DLG4: variants seen among roughly 807,000 people sequenced by gnomAD.
The protein encoded by DLG4 is discs large MAGUK scaffold protein 4, also known as disks large homolog 4.
Under a neutral mutation model 93.8 loss-of-function variants are expected in DLG4, and 7 were observed. The ratio of observed to expected loss-of-function variants is 0.07; its 90% confidence interval spans 0.04 to 0.14. The LOEUF (loss-of-function observed/expected upper bound fraction) is 0.14. Ranked by LOEUF, DLG4 falls within the 10% of genes least tolerant of loss-of-function variation. DLG4 has a pLI of 1.00. For synonymous variants in DLG4, 341 were observed against 387.6 expected, an observed-to-expected ratio of 0.88 and a Z score of 1.41; for missense variants, 545 against 992.9, an observed-to-expected ratio of 0.55 and a Z score of 6.06.
rs1875673 is a variant in DLG4, at chr17:7,205,187, T to A, written c.97-935A>T. 1.3e-3 allele frequency: 1,249 copies of A among 984,858 alleles called. 17 individuals carry two copies. The African/African-American group carries it at 0.019, about 15-fold the overall frequency. 61.0% of individuals were successfully genotyped at this position (984,858 alleles called of 1,614,324 possible). Reference sequence around the variant, plus strand: ...ACGCAGTGCAAAGGACGTCAGGAACTGGGAGTGGTGAAAGACATCCGGGTC... The same window carrying A: ...ACGCAGTGCAAAGGACGTCAGGAACAGGGAGTGGTGAAAGACATCCGGGTC... On this transcript the variant is annotated intron_variant, in intron 2 of 19. Transcript: ENST00000399506.
rs1460615654 is a variant in DLG4 at position 7,202,636 on chromosome 17, T to C, written c.787+267A>G. 1.3e-5 allele frequency: 7 copies of C among 528,462 alleles called. No individual in the cohort carries two copies. The East Asian group carries it at 2.0e-4, about 15-fold the overall frequency. 32.7% of individuals were successfully genotyped at this position (528,462 alleles called of 1,614,324 possible). On this transcript the variant is annotated intron_variant, in intron 8 of 19. Coordinates refer to ENST00000399506, the MANE Select transcript of DLG4 (RefSeq NM_001321075.3). ...CCTGTACTCTGGAAGAGCAGAAGAA[T>C]TATCTATTCCTTGAGAATTTCACAA...
rs1036179513 is a variant in DLG4, at chr17:7,203,927, G to A, written c.210+81C>T. On this transcript the variant is annotated intron_variant, in intron 4 of 19. Transcript: ENST00000399506. This position sits in a 1 kb window ranked among gnomAD's most constrained non-coding sequence, Gnocchi z 7.2. ...CAGAGGAGGAAGGCACAGGGTGAGGGGCTAGCCACCCAGACCACATGGCAG... is the reference window on the plus strand; with the variant it reads ...CAGAGGAGGAAGGCACAGGGTGAGGAGCTAGCCACCCAGACCACATGGCAG... 1 of 1,587,148 alleles carries A rather than the reference G, an allele frequency of 6.3e-7. No homozygotes were observed. The highest frequency in any genetic ancestry group is 1.3e-5 in the African/African-American group (1 of 74,302).
Position 7,187,407 on chromosome 17 carries a change from G to A in DLG4, c.*3301C>T, listed in dbSNP as rs947493084. 2.0e-5 allele frequency among the ~76,000 whole-genome samples: 3 copies of A among 151,258 alleles called. No individual in the cohort carries two copies. Among genetic ancestry groups the A allele is most frequent in the African/African-American group, 4.9e-5 (2 of 41,174 alleles). On this transcript the variant is annotated 3_prime_UTR_variant, in exon 20 of 20. Coordinates refer to ENST00000399506, the MANE Select transcript of DLG4 (RefSeq NM_001321075.3). ...ACTAAATACAAAAAATTAGCTGGGC[G>A]TGGTGGCATGCACCTGTAATCCCAG...
At position 7,196,940 on chromosome 17, in the gene DLG4, G is replaced by T; in HGVS notation, c.900C>A (p.Asp300Glu). 1 of 1,613,832 alleles carries T rather than the reference G, an allele frequency of 6.2e-7. No homozygotes were observed. Among genetic ancestry groups the T allele is most frequent in the East Asian group, 2.2e-5 (1 of 44,870 alleles). Reference protein sequence around the residue: ...SPRRYSPVAKDLLGEEDIPRE... With the variant: ...SPRRYSPVAKELLGEEDIPRE... ...GGGGAATGTCTTCCTCCCCGAGCAG[G>T]TCCTTGGCCACTGGAGAGTAGCGCC... is the stretch of plus-strand genomic sequence containing the variant. The change falls in exon 9 of 20, where the codon GAC becomes GAA. Residue 300 changes from aspartate (D) to glutamate (E), a missense_variant. By Grantham distance (45) the Asp-to-Glu change is conservative. This residue lies in a region of DLG4 where 428 missense variants were observed against 741.4 expected (regional missense o/e 0.58). Transcript: ENST00000399506. This position sits in a 1 kb window ranked among gnomAD's most constrained non-coding sequence, Gnocchi z 8.3.
chr17:7,199,611 T>C (rs2070006574), intron 8 of DLG4, among the ~76,000 whole-genome samples: 1 of 152,166 alleles, frequency 6.6e-6, no homozygotes, highest in South Asian at 2.1e-4. Flanking sequence ...GCTGAGACCC[T>C]ATTAGTCCTG....
In DLG4 at chr17:7,195,062, T is replaced by C. The variant is rs1597448207; in HGVS notation, c.1302-567A>G. Among the ~76,000 whole-genome samples the C allele has an allele frequency of 6.6e-6, 1 of 151,002 alleles. No individual in the cohort carries two copies. Among genetic ancestry groups the C allele is most frequent in the Non-Finnish European group, 1.5e-5 (1 of 67,756 alleles). ...AAAGAAAAAGAAAAACAGAAAGCAG[T>C]GTGCAGTACACACGCACATCATAAA... On this transcript the variant is annotated intron_variant, in intron 11 of 19. Coordinates refer to ENST00000399506, the MANE Select transcript of DLG4 (RefSeq NM_001321075.3). The surrounding 1 kb of genome is among the most constrained non-coding windows in gnomAD (Gnocchi z 4.3).
chr17:7,210,046 CA>C (rs976444767), intron 1 of DLG4, among the ~76,000 whole-genome samples: 2 of 151,960 alleles, frequency 1.3e-5, no homozygotes, highest in Non-Finnish European at 2.9e-5. Flanking sequence ...ATCTCCAAAA[CA>C]AAAAAGAGAG....
In DLG4 at chr17:7,189,168, A is replaced by G. The variant is rs2069374209; in HGVS notation, c.*1540T>C. Among the ~76,000 whole-genome samples the G allele has an allele frequency of 6.6e-6, 1 of 151,014 alleles. No individual in the cohort carries two copies. Among genetic ancestry groups the G allele is most frequent in the Non-Finnish European group, 1.5e-5 (1 of 67,846 alleles). On this transcript the variant is annotated 3_prime_UTR_variant, in exon 20 of 20. Transcript: ENST00000399506. ...ATAAAGAAACCTAGCGTATATTCACACAGCAGTTCTTATCAGCAGAACTCT... is the reference window on the plus strand; with the variant it reads ...ATAAAGAAACCTAGCGTATATTCACGCAGCAGTTCTTATCAGCAGAACTCT...
chr17:7,197,407 T>C (rs529832001), intron 8 of DLG4, among the ~76,000 whole-genome samples: 1 of 152,250 alleles, frequency 6.6e-6, no homozygotes, highest in African/African-American at 2.4e-5. Flanking sequence ...TCCCTCTTTT[T>C]TCCCCCCACC....
intron 1 of DLG4, among the ~76,000 whole-genome samples, chr17:7,212,005 C>A (rs1834414468): frequency 6.6e-6 from 1 of 152,058 alleles, no homozygotes; most frequent in Admixed American, 6.5e-5. Flanking sequence ...CTTAAATTTA[C>A]CAGTTTATCT....
chr17:7,193,979 T>C lies in DLG4; in HGVS notation c.1500A>G (p.Ser500=). ...SKRRVERREW[S]RLKAKDWGSS... is the part of the protein sequence containing the mutation. ...CTCCACCTACCTTGGCCTTTAACCT[T>C]GACCACTCTCGTCGCTCAACCCTGT... The change falls in exon 13 of 20, where the codon TCA becomes TCG. Residue 500 remains serine (S), a synonymous_variant. Coordinates refer to ENST00000399506, the MANE Select transcript of DLG4 (RefSeq NM_001321075.3). The surrounding 1 kb of genome is among the most constrained non-coding windows in gnomAD (Gnocchi z 6.7). 4.3e-6 allele frequency: 7 copies of C among 1,613,788 alleles called. No homozygotes were observed. The highest frequency in any genetic ancestry group is 5.9e-6 in the Non-Finnish European group (7 of 1,179,828).
chr17:7,192,038 G>T, intron 17 of DLG4, 36 bp from the exon 18 acceptor site: 1 of 1,248,032 alleles, frequency 8.0e-7, no homozygotes, highest in East Asian at 2.7e-5. Context: ...GGGGGCCAGC[G>T]GGTGGCGAGA....
rs979183540 is a variant in DLG4, at chr17:7,188,917, G to T, written c.*1791C>A. ...ACCTGAGGTCAGGAGTTCGAGACCA[G>T]CCTGGCCAACAAAGCAAAACCCCAT... On this transcript the variant is annotated 3_prime_UTR_variant, in exon 20 of 20. Transcript: ENST00000399506. 6.6e-6 allele frequency among the ~76,000 whole-genome samples: 1 copy of T among 152,070 alleles called. No homozygotes were observed. The highest frequency in any genetic ancestry group is 1.5e-5 in the Non-Finnish European group (1 of 68,014).
rs1432383693 is a variant in DLG4 at position 7,204,002 on chromosome 17, G to C, written c.210+6C>G. ...ACGGGGACTGCCGATGGAGGAGCCT[G>C]CTCACCCTTTCCAATGTGATTTCCT... On this transcript the variant is annotated splice_donor_region_variant and intron_variant, in intron 4 of 19. Transcript: ENST00000399506. The C allele has an allele frequency of 6.2e-7, 1 of 1,610,878 alleles. No individual in the cohort carries two copies. Among genetic ancestry groups the C allele is most frequent in the African/African-American group, 1.3e-5 (1 of 74,828 alleles).
intron 8 of DLG4, among the ~76,000 whole-genome samples, chr17:7,200,610 G>C (rs980236789): frequency 2.0e-5 from 3 of 151,474 alleles, no homozygotes; most frequent in South Asian, 2.1e-4. Context: ...GCAATGGCGC[G>C]ATCTCAGCTC....
At chr17:7,216,599 C>T (rs1003440269) in intron 1 of DLG4, among the ~76,000 whole-genome samples, 7 of 152,152 alleles carry the variant, frequency 4.6e-5, no homozygotes, top group Non-Finnish European at 8.8e-5. Flanking sequence ...CCACGAGATG[C>T]TTGTTCTAGA....
In DLG4 at chr17:7,188,468, A is replaced by G. The variant is rs1372333014; in HGVS notation, c.*2240T>C. 1.3e-5 allele frequency among the ~76,000 whole-genome samples: 2 copies of G among 152,130 alleles called. No homozygotes were observed. The highest frequency in any genetic ancestry group is 6.6e-5 in the Admixed American group (1 of 15,256). ...ACCCACTGGAGCACCTGAGAATCAG[A>G]GAAAGGAATAGTACCCCAGCAGGTG... On this transcript the variant is annotated 3_prime_UTR_variant, in exon 20 of 20. Transcript: ENST00000399506.
At position 7,195,383 on chromosome 17, in the gene DLG4, C is replaced by A. The variant is rs1295052864; in HGVS notation, c.1301+837G>T. Among the ~76,000 whole-genome samples the A allele has an allele frequency of 6.6e-6, 1 of 152,088 alleles. No individual in the cohort carries two copies. Among genetic ancestry groups the A allele is most frequent in the African/African-American group, 2.4e-5 (1 of 41,392 alleles). On this transcript the variant is annotated intron_variant, in intron 11 of 19. Coordinates refer to ENST00000399506, the MANE Select transcript of DLG4 (RefSeq NM_001321075.3). This position sits in a 1 kb window ranked among gnomAD's most constrained non-coding sequence, Gnocchi z 4.3. Reference sequence around the variant, plus strand: ...ACCTTGGGGACCAACCGGACCCGAGCAGGGAGGAAGGGCAGAGCAAGGGCT... The same window carrying A: ...ACCTTGGGGACCAACCGGACCCGAGAAGGGAGGAAGGGCAGAGCAAGGGCT...
In DLG4 at chr17:7,191,536, C is replaced by A. The variant is rs1451681453; in HGVS notation, c.1977-178G>T. Reference sequence around the variant, plus strand: ...AACCACCCCCCACCCCCCTGCCACCCGCAACCGCCCCAGCCAGGTGTGGCT... The same window carrying A: ...AACCACCCCCCACCCCCCTGCCACCAGCAACCGCCCCAGCCAGGTGTGGCT... On this transcript the variant is annotated intron_variant, in intron 18 of 19. Coordinates refer to ENST00000399506, the MANE Select transcript of DLG4 (RefSeq NM_001321075.3). The surrounding 1 kb of genome is among the most constrained non-coding windows in gnomAD (Gnocchi z 6.6). 3.2e-6 allele frequency: 2 copies of A among 629,150 alleles called. No homozygotes were observed. The highest frequency in any genetic ancestry group is 5.6e-6 in the Non-Finnish European group (2 of 356,030). The allele number at this position is 629,150 out of a possible 1,614,324, so 39.0% of individuals were successfully genotyped here. A position where few individuals can be genotyped will look rare whatever the true frequency, so the allele number is the denominator to read the frequency against.
Sources: gnomAD v4.1 joint callset for allele counts (sites outside exome capture counted in the v4.1 genomes callset) on GRCh38, gnomAD v4.1.1 for gene constraint, gnomAD v4.1.1 regional missense constraint, Gnocchi (gnomAD v3.1) non-coding constraint, MANE v1.5 for transcripts, NCBI Gene and HGNC (gene_info 2026-07-23, HGNC 2026-07-21) for gene names.